HIF1A: variants seen among roughly 807,000 people sequenced by gnomAD.
The protein encoded by HIF1A is hypoxia-inducible factor 1-alpha.
A neutral mutation model predicts 92.7 loss-of-function variants in HIF1A; 24 were observed. The observed-to-expected ratio is 0.26, with a 90% CI of 0.19 to 0.36. The LOEUF (loss-of-function observed/expected upper bound fraction) is 0.36. HIF1A is among the 10% of genes least tolerant of loss of function. The pLI, the probability that HIF1A is intolerant of heterozygous loss-of-function variation, is 1.00. For missense variants in HIF1A, 799 were observed against 998.5 expected (o/e 0.80, Z 2.69); for synonymous variants, 319 against 338.7 (o/e 0.94, Z 0.64).
rs376161894 is a variant in HIF1A at position 61,721,533 on chromosome 14, T to G, written c.251T>G (p.Met84Arg). The G allele has an allele frequency of 4.8e-5, 77 of 1,613,278 alleles. No homozygotes were observed. The highest frequency in any genetic ancestry group is 6.0e-5 in the Non-Finnish European group (71 of 1,179,560). ...DAGDLDIEDD[M>R]KAQMNCFYLK... ...GGTGATTTGGATATTGAAGATGACA[T>G]GAAAGCACAGATGAATTGCTTTTAT... Residue 84 changes from methionine (M) to arginine (R), a missense_variant, in exon 3 of 15, where the codon ATG (methionine) becomes AGG (arginine). Met to Arg is a moderately conservative substitution (Grantham distance 91). Transcript: ENST00000337138.
chr14:61,733,775 TA>T (rs1420458394), intron 7 of HIF1A, among the ~76,000 whole-genome samples: 3 of 152,216 alleles, frequency 2.0e-5, no homozygotes, highest in Non-Finnish European at 4.4e-5. Context: ...CTGGAAACCA[TA>T]GTCAGAATTT....
intron 1 of HIF1A, among the ~76,000 whole-genome samples, chr14:61,710,184 T>C (rs2044290056): frequency 6.6e-6 from 1 of 152,218 alleles, no homozygotes; most frequent in African/African-American, 2.4e-5. Flanking sequence ...TAAGCAAAGA[T>C]TAATTTTTGT....
At chr14:61,713,079 G>T (rs2044325711) in intron 1 of HIF1A, among the ~76,000 whole-genome samples, 3 of 152,102 alleles carry the variant, frequency 2.0e-5, no homozygotes, top group Admixed American at 2.0e-4. Context: ...GAGTAAGCAA[G>T]CCAGAAAGGA....
intron 1 of HIF1A, among the ~76,000 whole-genome samples, chr14:61,704,022 C>T (rs1464998829): frequency 1.3e-5 from 2 of 152,070 alleles, no homozygotes; most frequent in African/African-American, 4.8e-5. Flanking sequence ...TTTTCTAGAT[C>T]GTTTAGCTCT....
In HIF1A at chr14:61,741,015, A is replaced by G. The variant is rs139296931; in HGVS notation, c.1920A>G (p.Ala640=). 9.2e-5 allele frequency: 149 copies of G among 1,614,184 alleles called. No homozygotes were observed. The African/African-American group carries it at 1.7e-3, about 19-fold the overall frequency. Residue 640 remains alanine (A), a synonymous_variant, in exon 12 of 15, where the codon GCA becomes GCG. Coordinates refer to ENST00000337138, the MANE Select transcript of HIF1A (RefSeq NM_001530.4). ...DRMEDIKILI[A]SPSPTHIHKE... is the part of the protein sequence containing the mutation. ...TGGAAGACATTAAAATATTGATTGCATCTCCATCTCCTACCCACATACATA... is the reference window on the plus strand; with the variant it reads ...TGGAAGACATTAAAATATTGATTGCGTCTCCATCTCCTACCCACATACATA...
At chr14:61,734,899 T>C (rs2044617984) in intron 8 of HIF1A, among the ~76,000 whole-genome samples, 1 of 152,222 alleles carries the variant, frequency 6.6e-6, no homozygotes, top group Non-Finnish European at 1.5e-5. Flanking sequence ...ACCCTAGAAC[T>C]TAAAGTATAA....
intron 1 of HIF1A, among the ~76,000 whole-genome samples, chr14:61,699,763 G>GTT (rs2044158269): frequency 6.6e-6 from 1 of 152,104 alleles, no homozygotes; most frequent in Non-Finnish European, 1.5e-5. Context: ...TACCCAGTGT[G>GTT]TGTATGTGTT....
At chr14:61,739,839 G>A (rs2044685129) in intron 10 of HIF1A, among the ~76,000 whole-genome samples, 1 of 152,084 alleles carries the variant, frequency 6.6e-6, no homozygotes, top group Non-Finnish European at 1.5e-5. Flanking sequence ...ACAGGAGTGT[G>A]CCTTCTCAGT....
chr14:61,745,317 G>A (rs911059129), intron 13 of HIF1A, among the ~76,000 whole-genome samples: 2 of 152,140 alleles, frequency 1.3e-5, no homozygotes, highest in Admixed American at 1.3e-4. Flanking sequence ...CAGCCACTCT[G>A]GAGGCTGAGG....
At chr14:61,744,282 T>C (rs1033157127) in intron 12 of HIF1A, among the ~76,000 whole-genome samples, 2 of 152,120 alleles carry the variant, frequency 1.3e-5, no homozygotes, top group Non-Finnish European at 1.5e-5. Flanking sequence ...CCCAGCACTT[T>C]GGGAGGCCAA....
chr14:61,728,613 A>G (rs1394054695), intron 6 of HIF1A, among the ~76,000 whole-genome samples: 3 of 152,216 alleles, frequency 2.0e-5, no homozygotes, highest in South Asian at 2.1e-4. Context: ...TTTCTTTTAC[A>G]TTCATTGGCT....
intron 8 of HIF1A, among the ~76,000 whole-genome samples, chr14:61,735,068 C>A (rs1261779079): frequency 6.6e-6 from 1 of 152,160 alleles, no homozygotes; most frequent in Non-Finnish European, 1.5e-5. Context: ...GACTCCTGCC[C>A]CATCTAGTCT....
At chr14:61,699,221 A>AT (rs1448637826) in intron 1 of HIF1A, among the ~76,000 whole-genome samples, 2 of 152,298 alleles carry the variant, frequency 1.3e-5, no homozygotes, top group Middle Eastern at 3.4e-3. Flanking sequence ...CTATCGAGTT[A>AT]TTTTAGACTG....
chr14:61,732,236 G>C (rs11158358), intron 6 of HIF1A, among the ~76,000 whole-genome samples, 182 bp from the exon 7 acceptor site: 119,268 of 152,200 alleles, frequency 0.78, 47,339 homozygotes, highest in Non-Finnish European at 0.84. Context: ...TGTGGTGTTG[G>C]ATTTAATAAC....
chr14:61,743,277 A>G (rs1308789728), intron 12 of HIF1A, among the ~76,000 whole-genome samples: 1 of 151,916 alleles, frequency 6.6e-6, no homozygotes, highest in Non-Finnish European at 1.5e-5. Flanking sequence ...CTCCAGGTTG[A>G]TCAGGCTGGT....
At chr14:61,698,070 CAA>C in intron 1 of HIF1A, 2 of 513,878 alleles carry the variant, frequency 3.9e-6, no homozygotes, top group Non-Finnish European at 6.3e-6. Flanking sequence ...AAGGGAATGT[CAA>C]GAGAGTAATG....
At chr14:61,723,077 C>A (rs1209919920) in intron 4 of HIF1A, among the ~76,000 whole-genome samples, 1 of 152,154 alleles carries the variant, frequency 6.6e-6, no homozygotes, top group Non-Finnish European at 1.5e-5. Context: ...AGGAAAATTT[C>A]TTATGTTCTG....
chr14:61,726,920 T>C (rs2044512855), intron 5 of HIF1A, 102 bp downstream of exon 5: 2 of 620,068 alleles, frequency 3.2e-6, no homozygotes, highest in Non-Finnish European at 5.5e-6. Context: ...TACAGTTCCA[T>C]GGTGTTTGGT....
intron 6 of HIF1A, among the ~76,000 whole-genome samples, chr14:61,731,539 G>A (rs933783479): frequency 6.6e-6 from 1 of 152,158 alleles, no homozygotes; most frequent in African/African-American, 2.4e-5. Flanking sequence ...AAGTACAAGA[G>A]CATCTTCAAA....
Sources: allele counts gnomAD v4.1 joint callset (sites outside exome capture counted in the v4.1 genomes callset), GRCh38; gene constraint gnomAD v4.1.1; transcripts MANE v1.5; gene names NCBI Gene and HGNC (gene_info 2026-07-23, HGNC 2026-07-21).